The following PDE4C variants were observed in gnomAD, a reference collection of about 807,000 sequenced individuals.
PDE4C encodes the protein phosphodiesterase 4C.
Under a neutral mutation model 63.9 loss-of-function variants are expected in PDE4C, and 50 were observed. The ratio of observed to expected loss-of-function variants is 0.78; its 90% CI spans 0.62 to 0.99. The LOEUF (loss-of-function observed/expected upper bound fraction) is 0.99. Ranked by LOEUF, PDE4C falls within the 50% of genes least tolerant of loss-of-function variation. The pLI is 0.00. For missense variants in PDE4C, 777 were observed against 899.1 expected (o/e 0.86, Z 1.74); for synonymous variants, 377 against 385.1 (o/e 0.98, Z 0.25).
At chr19:18,241,151 G>C (rs1374213878) in intron 1 of PDE4C, among the ~76,000 whole-genome samples, 1 of 152,130 alleles carries the variant, frequency 6.6e-6, no homozygotes, top group East Asian at 1.9e-4. Context: ...GGAATGAAGA[G>C]GGTGGGGTGT....
upstream of PDE4C, among the ~76,000 whole-genome samples, chr19:18,248,709 G>A (rs1027156918): frequency 5.3e-5 from 8 of 151,966 alleles, no homozygotes; most frequent in South Asian, 2.1e-4. Flanking sequence ...GTGCTGTGCC[G>A]CCCCGGGTAG....
upstream of PDE4C, chr19:18,252,055 A>C: frequency 2.5e-6 from 1 of 398,712 alleles, no homozygotes; most frequent in Non-Finnish European, 4.4e-6. Flanking sequence ...CAAATCTCTT[A>C]ATACTCACCT....
At chr19:18,244,181 T>C (rs1969090151) in intron 1 of PDE4C, among the ~76,000 whole-genome samples, 1 of 152,060 alleles carries the variant, frequency 6.6e-6, no homozygotes, top group African/African-American at 2.4e-5. Flanking sequence ...CTGCTACTCC[T>C]GATTAATTGC....
chr19:18,226,051 A>T (rs1357036883), intron 1 of PDE4C, among the ~76,000 whole-genome samples: 1 of 152,174 alleles, frequency 6.6e-6, no homozygotes, highest in Non-Finnish European at 1.5e-5. Flanking sequence ...GTGGAGACAG[A>T]CGGAGACAGA....
chr19:18,229,898 T>A (rs956470315), upstream of PDE4C, among the ~76,000 whole-genome samples: 10 of 152,232 alleles, frequency 6.6e-5, no homozygotes, highest in Admixed American at 6.5e-4. Flanking sequence ...TCACTTCTCT[T>A]GGCTTACACT....
chr19:18,235,324 C>T (rs1968932356), upstream of PDE4C, among the ~76,000 whole-genome samples: 1 of 152,202 alleles, frequency 6.6e-6, no homozygotes, highest in Admixed American at 6.5e-5. Flanking sequence ...GCACCCGCCA[C>T]CACACCCAGC....
In PDE4C at chr19:18,243,138, G is replaced by A. The variant is rs183203283; in HGVS notation, c.-210+5033C>T. 7.9e-5 allele frequency among the ~76,000 whole-genome samples: 12 copies of A among 152,042 alleles called. No homozygotes were observed. In the East Asian group the frequency reaches 9.7e-4, roughly 12 times the overall value. The stretch of plus-strand genomic sequence containing the variant: ...TTTTTTTCTTTCGAGACAGAGTTTC[G>A]CTCTTGTTGCCCAGGCTGTAGTGTA... On this transcript the variant is annotated intron_variant, in intron 1 of 15. Coordinates refer to the PDE4C transcript ENST00000594617.
chr19:18,252,420 A>C (rs573191173), upstream of PDE4C: 1 of 398,990 alleles, frequency 2.5e-6, no homozygotes, highest in African/African-American at 2.1e-5. Flanking sequence ...GGGAGAAGAA[A>C]TCAGAGAGCT....
intron 11 of PDE4C, 21 bp from the exon 12 acceptor site, chr19:18,216,916 G>C: frequency 1.9e-6 from 3 of 1,582,204 alleles, no homozygotes; most frequent in Non-Finnish European, 2.6e-6. Flanking sequence ...ATGGGACTGA[G>C]AGCCCCAAGA....
upstream of PDE4C, among the ~76,000 whole-genome samples, chr19:18,236,404 C>G (rs140368946): frequency 4.8e-3 from 723 of 152,110 alleles, 4 homozygotes; most frequent in African/African-American, 0.016. Flanking sequence ...TGTATTTTTA[C>G]TAGAGACAGG....
chr19:18,219,529 T>A, intron 7 of PDE4C, 132 bp from the exon 8 acceptor site: 1 of 1,060,592 alleles, frequency 9.4e-7, no homozygotes, highest in Non-Finnish European at 1.3e-6. Context: ...AAGTTCGGAG[T>A]AAAGACCCTG....
chr19:18,221,116 T>C, exon 4 of PDE4C: 1 of 1,345,400 alleles, frequency 7.4e-7, no homozygotes, highest in South Asian at 1.2e-5. Flanking sequence ...TGGCTGCTCC[T>C]AGGCATTGCT....
chr19:18,251,580 G>T (rs933577989), upstream of PDE4C, among the ~76,000 whole-genome samples: 2 of 151,542 alleles, frequency 1.3e-5, no homozygotes, highest in Non-Finnish European at 2.9e-5. Context: ...GATTACAGGC[G>T]TCTGCCACCA....
chr19:18,255,164 T>C, the PDE4C span: 1 of 398,262 alleles, frequency 2.5e-6, no homozygotes, highest in Non-Finnish European at 4.4e-6. This position sits in a 1 kb window ranked among gnomAD's most constrained non-coding sequence, Gnocchi z 4.6. Flanking sequence ...GGGCTGTGCG[T>C]CCCCCACCCC....
upstream of PDE4C, among the ~76,000 whole-genome samples, chr19:18,227,408 G>A (rs1968762469): frequency 6.6e-6 from 1 of 152,030 alleles, no homozygotes; most frequent in Admixed American, 6.6e-5. Context: ...CTCTCCTGCT[G>A]TCTCCTCCTA....
intron 13 of PDE4C, 109 bp downstream of exon 13, chr19:18,213,259 G>A (rs1968041209): frequency 9.0e-6 from 9 of 1,002,492 alleles, no homozygotes; most frequent in Non-Finnish European, 1.2e-5. Context: ...ACTCCAGCCT[G>A]GGCGACAGAG....
chr19:18,232,878 C>T (rs2148054300), intron 1 of PDE4C: 2 of 1,397,556 alleles, frequency 1.4e-6, no homozygotes, highest in South Asian at 3.1e-5. Flanking sequence ...AAGCAAGGAC[C>T]CTCCCCCACT....
chr19:18,221,209 GGA>G (rs1968469833), intron 3 of PDE4C, 31 bp from the exon 4 acceptor site: 1 of 1,564,180 alleles, frequency 6.4e-7, no homozygotes, highest in South Asian at 1.2e-5. Context: ...GCGGTGGGAA[GGA>G]GAGGCCGGAT....
At chr19:18,233,941 C>T (rs780000318), upstream of PDE4C, among the ~76,000 whole-genome samples, 2 of 152,190 alleles carry the variant, frequency 1.3e-5, no homozygotes, top group Non-Finnish European at 2.9e-5. Context: ...GCGGTTCAGC[C>T]CCAGAAGGGG....
Sources: allele counts gnomAD v4.1 joint callset (sites outside exome capture counted in the v4.1 genomes callset), GRCh38; gene constraint gnomAD v4.1.1; non-coding constraint Gnocchi (gnomAD v3.1); transcripts MANE v1.5; gene names NCBI Gene and HGNC (gene_info 2026-07-23, HGNC 2026-07-21).